DRAXIN: variants seen among roughly 807,000 people sequenced by gnomAD.
DRAXIN encodes dorsal repulsive axon guidance protein.
In DRAXIN, 27 loss-of-function variants were observed where a neutral mutation model predicts 33.9. The observed-to-expected ratio is 0.80, with a 90% CI of 0.59 to 1.10. The LOEUF (loss-of-function observed/expected upper bound fraction) is 1.10. DRAXIN is among the 50% of genes least tolerant of loss of function. The pLI is 0.00. For missense variants in DRAXIN, 371 were observed against 460.8 expected, an observed-to-expected ratio of 0.81 and a Z score of 1.78; for synonymous variants, 178 against 194.0, an observed-to-expected ratio of 0.92 and a Z score of 0.69.
intron 3 of DRAXIN, among the ~76,000 whole-genome samples, chr1:11,709,671 A>C (rs976766279): frequency 6.6e-6 from 1 of 152,188 alleles, no homozygotes; most frequent in African/African-American, 2.4e-5. Flanking sequence ...GCCACTGTCC[A>C]GGGCAAAGTG....
At chr1:11,703,572 G>A (rs1249932702) in intron 1 of DRAXIN, among the ~76,000 whole-genome samples, 1 of 152,206 alleles carries the variant, frequency 6.6e-6, no homozygotes, top group African/African-American at 2.4e-5. Context: ...TGCATGGGAA[G>A]GCAATAGGGA....
intron 3 of DRAXIN, 101 bp downstream of exon 3, chr1:11,709,566 G>A (rs1432105893): frequency 7.5e-7 from 1 of 1,333,676 alleles, no homozygotes; most frequent in Non-Finnish European, 1.0e-6. Context: ...ACGGGGGCAG[G>A]AGGCCACAGA....
chr1:11,705,270 C>T lies in DRAXIN; in HGVS notation c.-10-979C>T, dbSNP rs1034691254. Among the ~76,000 whole-genome samples the T allele has an allele frequency of 6.6e-6, 1 of 152,076 alleles. No individual in the cohort carries two copies. On this transcript the variant is annotated intron_variant, in intron 1 of 6. Transcript: ENST00000294485. The surrounding 1 kb of genome is among the most constrained non-coding windows in gnomAD (Gnocchi z 4.8). Reference sequence around the variant, plus strand: ...GAGGTTGGTGCAATGGAGAGGGGTGCGTGGGGGAGCAGCTGCGGGTGGTGC... The same window carrying T: ...GAGGTTGGTGCAATGGAGAGGGGTGTGTGGGGGAGCAGCTGCGGGTGGTGC...
At chr1:11,702,131 T>G (rs1169590063) in intron 1 of DRAXIN, among the ~76,000 whole-genome samples, 2 of 135,472 alleles carry the variant, frequency 1.5e-5, no homozygotes, top group African/African-American at 5.7e-5. Context: ...ATGCTCACAC[T>G]CATACGTACA....
intron 2 of DRAXIN, among the ~76,000 whole-genome samples, chr1:11,708,551 C>T (rs1438287551): frequency 6.6e-6 from 1 of 152,130 alleles, no homozygotes; most frequent in African/African-American, 2.4e-5. Flanking sequence ...GCAGAGGTTG[C>T]AGTGAGCCAA....
chr1:11,717,576 C>A (rs1641595671), intron 6 of DRAXIN, among the ~76,000 whole-genome samples: 1 of 150,056 alleles, frequency 6.7e-6, no homozygotes, highest in South Asian at 2.1e-4. Context: ...GCAGGAGAAT[C>A]TCTTGAAACC....
chr1:11,706,334 G>A lies in DRAXIN; in HGVS notation c.76G>A (p.Gly26Ser). The change falls in exon 2 of 7, where the codon GGC (glycine) becomes AGC (serine). Residue 26 changes from glycine to serine, a missense_variant. Coordinates refer to ENST00000294485, the MANE Select transcript of DRAXIN (RefSeq NM_198545.4). This position sits in a 1 kb window ranked among gnomAD's most constrained non-coding sequence, Gnocchi z 5.5. ...LLLPLELSLA[G>S]ALAPGTPARN... Reference sequence around the variant, plus strand: ...GCTGCCCCTGGAGCTGAGCCTGGCAGGCGCCCTTGCACCTGGGACCCCTGC... The same window carrying A: ...GCTGCCCCTGGAGCTGAGCCTGGCAAGCGCCCTTGCACCTGGGACCCCTGC... 6 of 1,613,878 alleles carry A rather than the reference G, an allele frequency of 3.7e-6. No individual in the cohort carries two copies. The highest frequency in any genetic ancestry group is 5.1e-6 in the Non-Finnish European group (6 of 1,180,010).
intron 1 of DRAXIN, among the ~76,000 whole-genome samples, chr1:11,697,534 T>C (rs1170881890): frequency 6.6e-6 from 1 of 152,186 alleles, no homozygotes; most frequent in African/African-American, 2.4e-5. Context: ...CTAATAGTCA[T>C]AGAGTCCTCT....
Position 11,709,346 on chromosome 1 carries a change from G to A in DRAXIN, c.523G>A (p.Ala175Thr), listed in dbSNP as rs1249184317. 5 of 1,613,992 alleles carry A rather than the reference G, an allele frequency of 3.1e-6. No individual in the cohort carries two copies. The highest frequency in any genetic ancestry group is 1.7e-6 in the Non-Finnish European group (2 of 1,179,952). Residue 175 changes from alanine to threonine, a missense_variant, in exon 3 of 7, where the codon GCA becomes ACA. By Grantham distance (58) the Ala-to-Thr change is moderately conservative. Transcript: ENST00000294485. ...GCTCTCCGAAGCCCAGGTGCTGGATGCAGCCATGGAGGAATCCTCCACCAG... is the reference window on the plus strand; with the variant it reads ...GCTCTCCGAAGCCCAGGTGCTGGATACAGCCATGGAGGAATCCTCCACCAG... ...AELSEAQVLD[A>T]AMEESSTSLA... is the part of the protein sequence containing the mutation.
chr1:11,714,329 G>A (rs888813104), intron 5 of DRAXIN, among the ~76,000 whole-genome samples: 5 of 152,224 alleles, frequency 3.3e-5, no homozygotes, highest in Admixed American at 2.0e-4. Context: ...CCGGATGGGC[G>A]CTCCAGTACA....
chr1:11,711,519 G>A (rs1161310865), intron 3 of DRAXIN, among the ~76,000 whole-genome samples: 1 of 152,224 alleles, frequency 6.6e-6, no homozygotes, highest in East Asian at 1.9e-4. Flanking sequence ...CACCCTCCTC[G>A]TGGGCTTAAA....
At chr1:11,689,379 C>T (rs1389797874), upstream of DRAXIN, among the ~76,000 whole-genome samples, 2 of 151,508 alleles carry the variant, frequency 1.3e-5, no homozygotes, top group Admixed American at 6.6e-5. Context: ...AGGTGGATCA[C>T]CTGAGGTCAG....
intron 2 of DRAXIN, among the ~76,000 whole-genome samples, chr1:11,707,296 T>C (rs1438799921): frequency 6.6e-6 from 1 of 152,220 alleles, no homozygotes; most frequent in Non-Finnish European, 1.5e-5. Flanking sequence ...CTACTTTAAG[T>C]TCTGAGTAGA....
chr1:11,686,941 G>A (rs147867685), upstream of DRAXIN, among the ~76,000 whole-genome samples: 167 of 151,860 alleles, frequency 1.1e-3, no homozygotes, highest in African/African-American at 3.9e-3. Context: ...TCTCTAATTC[G>A]GAACATTTTC....
intron 1 of DRAXIN, among the ~76,000 whole-genome samples, chr1:11,693,008 G>A (rs1426231782): frequency 3.3e-5 from 5 of 151,894 alleles, no homozygotes; most frequent in Admixed American, 1.3e-4. Context: ...GGGCTCCACA[G>A]AAATGGATCT....
intron 2 of DRAXIN, among the ~76,000 whole-genome samples, chr1:11,707,026 C>A (rs187820820): frequency 0.012 from 1,890 of 152,144 alleles, 28 homozygotes; most frequent in Middle Eastern, 0.02. Context: ...ACGGTGAAAC[C>A]CCGTCTCTAC....
At chr1:11,700,192 T>C (rs1641251126) in intron 1 of DRAXIN, among the ~76,000 whole-genome samples, 1 of 152,174 alleles carries the variant, frequency 6.6e-6, no homozygotes, top group South Asian at 2.1e-4. Context: ...ATTGTGCCAC[T>C]GCACTCCAGC....
intron 1 of DRAXIN, among the ~76,000 whole-genome samples, chr1:11,702,273 AC>A (rs898623546): frequency 4.7e-5 from 7 of 150,176 alleles, no homozygotes; most frequent in African/African-American, 1.5e-4. Flanking sequence ...ACACACCCAT[AC>A]CCATACATAT....
In DRAXIN at chr1:11,692,597, G is replaced by A. The variant is rs560765515; in HGVS notation, c.-11+744G>A. Among the ~76,000 whole-genome samples the A allele has an allele frequency of 1.3e-5, 2 of 152,338 alleles. No individual in the cohort carries two copies. Among genetic ancestry groups the A allele is most frequent in the African/African-American group, 4.8e-5 (2 of 41,582 alleles). ...GGTCTCAGCCGCCTTCGGGGCCGGG[G>A]TATGAGATGAGAGAGGGCTGGGGTT... On this transcript the variant is annotated intron_variant, in intron 1 of 6. Transcript: ENST00000294485. This position sits in a 1 kb window ranked among gnomAD's most constrained non-coding sequence, Gnocchi z 5.8.
Sources: allele counts gnomAD v4.1 joint callset (sites outside exome capture counted in the v4.1 genomes callset), GRCh38; gene constraint gnomAD v4.1.1; non-coding constraint Gnocchi (gnomAD v3.1); transcripts MANE v1.5; gene names NCBI Gene and HGNC (gene_info 2026-07-23, HGNC 2026-07-21).